The following DSE variants were observed in gnomAD, a reference collection of about 807,000 sequenced individuals.
DSE encodes dermatan sulfate epimerase.
In DSE, 36 loss-of-function variants were observed where a neutral mutation model predicts 84.4. That is an observed-to-expected ratio of 0.43 (90% CI 0.33 to 0.56). DSE has a LOEUF of 0.56. DSE is among the 20% of genes least tolerant of loss of function. DSE has a pLI of 0.06. For missense variants in DSE, 862 were observed against 1,169.6 expected, an observed-to-expected ratio of 0.74 and a Z score of 3.84; for synonymous variants, 410 against 430.1, an observed-to-expected ratio of 0.95 and a Z score of 0.58.
intron 1 of DSE, among the ~76,000 whole-genome samples, chr6:116,394,518 G>A (rs140892135): frequency 1.8e-3 from 267 of 151,840 alleles, no homozygotes; most frequent in African/African-American, 2.6e-3. Flanking sequence ...TCACTGCAGC[G>A]TCGAACTCCT....
chr6:116,421,766 A>G (rs1038983635), intron 2 of DSE, among the ~76,000 whole-genome samples: 1 of 152,006 alleles, frequency 6.6e-6, no homozygotes, highest in East Asian at 1.9e-4. Flanking sequence ...CAGCCAAACT[A>G]TATTTTTTTA....
In DSE at chr6:116,343,306, C is replaced by T. The variant is rs141026610; in HGVS notation, c.-53-55892C>T. Among the ~76,000 whole-genome samples the T allele has an allele frequency of 8.2e-3, 1,255 of 152,312 alleles. 21 individuals are homozygous for T. Among genetic ancestry groups the T allele is most frequent in the South Asian group, 0.053 (258 of 4,828 alleles). On this transcript the variant is annotated intron_variant, in intron 2 of 3. Transcript: ENST00000430252. ...GCTCTGAAGACAGTAGTGGTTCTCC[C>T]GGCATGGAGTTTGTGATCTGAGAAT...
At chr6:116,318,916 A>G (rs1776143267) in intron 2 of DSE, among the ~76,000 whole-genome samples, 3 of 152,210 alleles carry the variant, frequency 2.0e-5, no homozygotes, top group Admixed American at 2.0e-4. Context: ...ACATGTTTAC[A>G]TATGATTTAA....
chr6:116,413,755 T>C (rs2115030621), intron 2 of DSE, among the ~76,000 whole-genome samples: 1 of 152,286 alleles, frequency 6.6e-6, no homozygotes, highest in Middle Eastern at 3.4e-3. Flanking sequence ...TGGGTAAATA[T>C]ATTAACCGTA....
intron 1 of DSE, among the ~76,000 whole-genome samples, chr6:116,398,802 A>G (rs1365779382): frequency 6.6e-6 from 1 of 152,128 alleles, no homozygotes; most frequent in Non-Finnish European, 1.5e-5. Flanking sequence ...TGTAATGTCT[A>G]CTCAGATTCC....
At chr6:116,371,192 T>G in intron 1 of DSE, 71 bp downstream of exon 1, 1 of 985,162 alleles carries the variant, frequency 1.0e-6, no homozygotes, top group Non-Finnish European at 1.2e-6. Flanking sequence ...TTCGGGCGGG[T>G]AGCCTTCGGG....
In DSE at chr6:116,439,734, T is replaced by C. The variant is rs1028514413; in HGVS notation, c.*2389T>C. On this transcript the variant is annotated 3_prime_UTR_variant, in exon 6 of 6. Transcript: ENST00000644252. ...AGTTCATTTGATAATATGTGAGCTG[T>C]TGTTCAGGGGATTGGCAGGACTCTT... 1 of 152,166 alleles carries C rather than the reference T, an allele frequency of 6.6e-6. No individual in the cohort carries two copies. The highest frequency in any genetic ancestry group is 2.4e-5 in the African/African-American group (1 of 41,428). 9.4% of individuals were successfully genotyped at this position (152,166 alleles called of 1,614,324 possible).
chr6:116,389,270 G>A (rs929223706), intron 1 of DSE, among the ~76,000 whole-genome samples: 1 of 152,158 alleles, frequency 6.6e-6, no homozygotes, highest in African/African-American at 2.4e-5. Context: ...GAGGAAACAG[G>A]AACGTAGGTA....
chr6:116,274,193 C>CAAA, intron 2 of DSE, among the ~76,000 whole-genome samples: 1 of 152,180 alleles, frequency 6.6e-6, no homozygotes, highest in South Asian at 2.1e-4. Flanking sequence ...AGATATTTTC[C>CAAA]TTTTCTGTTG....
At chr6:116,279,647 G>T (rs3828743) in intron 2 of DSE, 1 of 1,605,550 alleles carries the variant, frequency 6.2e-7, no homozygotes, top group South Asian at 1.1e-5. Flanking sequence ...GAAGGCGGTG[G>T]AGGCGGGAGC....
chr6:116,321,997 C>CG (rs751860665), intron 2 of DSE, among the ~76,000 whole-genome samples: 10 of 152,036 alleles, frequency 6.6e-5, no homozygotes, highest in Non-Finnish European at 1.2e-4. Context: ...TTTGTTCGGC[C>CG]GGGGGCATCA....
At chr6:116,362,813 A>T (rs1054992421) in intron 2 of DSE, among the ~76,000 whole-genome samples, 4 of 152,312 alleles carry the variant, frequency 2.6e-5, no homozygotes, top group Non-Finnish European at 4.4e-5. Flanking sequence ...ACAGGGCATC[A>T]TTTATTTTCC....
intron 2 of DSE, among the ~76,000 whole-genome samples, chr6:116,347,524 C>G (rs1412631846): frequency 1.3e-5 from 2 of 152,090 alleles, no homozygotes; most frequent in African/African-American, 4.8e-5. Flanking sequence ...ACAAACCTGA[C>G]AAAAACAAGA....
Position 116,355,919 on chromosome 6 carries a change from A to C in DSE, c.-53-43279A>C, listed in dbSNP as rs1216452692. On this transcript the variant is annotated intron_variant, in intron 2 of 3. Transcript: ENST00000430252. ...TCAATAACAAGACAATTACACTGTC[A>C]TAGAATTAGTGTTGAAATCTTCCAG... is the stretch of plus-strand genomic sequence containing the variant. 2 of 152,252 alleles carry C rather than the reference A, an allele frequency of 1.3e-5. 1 individual carries two copies. The highest frequency in any genetic ancestry group is 4.1e-4 in the South Asian group (2 of 4,830). The allele number at this position is 152,252 out of a possible 1,614,324, so 9.4% of individuals were successfully genotyped here.
Position 116,441,310 on chromosome 6 carries a change from T to G in DSE, c.*3965T>G, listed in dbSNP as rs1242500865. ...ACAGTTTCCCTCTTGGTTTTGGGATTTTTTTAATTGAAGTTTTATTTGGCA... is the reference window on the plus strand; with the variant it reads ...ACAGTTTCCCTCTTGGTTTTGGGATGTTTTTAATTGAAGTTTTATTTGGCA... On this transcript the variant is annotated 3_prime_UTR_variant, in exon 6 of 6. Coordinates refer to ENST00000644252, the MANE Select transcript of DSE (RefSeq NM_013352.4). 1 of 152,230 alleles carries G rather than the reference T, an allele frequency of 6.6e-6. No homozygotes were observed. Among genetic ancestry groups the G allele is most frequent in the Non-Finnish European group, 1.5e-5 (1 of 68,040 alleles). 9.4% of individuals were successfully genotyped at this position (152,230 alleles called of 1,614,324 possible).
intron 2 of DSE, among the ~76,000 whole-genome samples, chr6:116,267,432 T>G (rs1409717794): frequency 6.7e-6 from 1 of 148,924 alleles, no homozygotes; most frequent in Non-Finnish European, 1.5e-5. Context: ...AACAAAAAAG[T>G]TTAAAAAGTT....
chr6:116,297,464 C>T (rs913662972), intron 2 of DSE, among the ~76,000 whole-genome samples: 4 of 152,208 alleles, frequency 2.6e-5, no homozygotes, highest in African/African-American at 9.6e-5. Context: ...AACTTACACT[C>T]TAATTCCTGA....
rs556719906 is a variant in DSE, at chr6:116,434,794, A to AT, written c.1119-792dup. On this transcript the variant is annotated intron_variant, in intron 5 of 5. Coordinates refer to ENST00000644252, the MANE Select transcript of DSE (RefSeq NM_013352.4). Reference sequence around the variant, plus strand: ...TCTAGAACAACAGATGAAACAGTCAATATCAAACACCAATAAGATTAACTC... The same window carrying AT: ...TCTAGAACAACAGATGAAACAGTCAATTATCAAACACCAATAAGATTAACTC... 1.1e-4 allele frequency among the ~76,000 whole-genome samples: 16 copies of AT among 152,362 alleles called. No homozygotes were observed. The South Asian group carries it at 3.3e-3, about 32-fold the overall frequency.
rs1389564645 is a variant in DSE, at chr6:116,429,909, G to GC, written c.671-1043dup. 1.2e-3 allele frequency among the ~76,000 whole-genome samples: 16 copies of GC among 13,444 alleles called. 7 individuals carry two copies. The highest frequency in any genetic ancestry group is 8.3e-3 in the African/African-American group (14 of 1,696). 8.8% of individuals were successfully genotyped at this position (13,444 alleles called of 152,430 possible). ...GGAGCTTGCAGTGAGCCGAGATTGCGCCACTGCACTCCCGTCTGGGCCACA... is the reference window on the plus strand; with the variant it reads ...GGAGCTTGCAGTGAGCCGAGATTGCGCCCACTGCACTCCCGTCTGGGCCACA... On this transcript the variant is annotated intron_variant, in intron 3 of 5. Coordinates refer to ENST00000644252, the MANE Select transcript of DSE (RefSeq NM_013352.4).
Sources: allele counts gnomAD v4.1 joint callset (sites outside exome capture counted in the v4.1 genomes callset), GRCh38; gene constraint gnomAD v4.1.1; transcripts MANE v1.5; gene names NCBI Gene and HGNC (gene_info 2026-07-23, HGNC 2026-07-21).